SLC49A4: variants seen among roughly 807,000 people sequenced by gnomAD.
SLC49A4 encodes the protein disrupted in renal cancer protein 2.
SLC49A4 carries 36 observed loss-of-function variants against 50.6 expected under a neutral mutation model. The ratio of observed to expected loss-of-function variants is 0.71; its 90% CI spans 0.55 to 0.94. SLC49A4 has a LOEUF of 0.94. SLC49A4 is among the 40% of genes least tolerant of loss of function. The probability of loss-of-function intolerance (pLI) is 0.00; values close to 1 mark genes in which losing one functional copy is unlikely to be tolerated. For missense variants in SLC49A4, 503 were observed against 605.7 expected (o/e 0.83, Z 1.78); for synonymous variants, 248 against 241.2 (o/e 1.03, Z -0.26).
chr3:122,823,619 A>G (rs1003866001), intron 2 of SLC49A4, among the ~76,000 whole-genome samples: 2 of 152,232 alleles, frequency 1.3e-5, no homozygotes, highest in African/African-American at 4.8e-5. Flanking sequence ...TAATAAATGC[A>G]TAGTTACCAT....
intron 8 of SLC49A4, among the ~76,000 whole-genome samples, chr3:122,878,971 A>AT (rs1011836709): frequency 6.6e-5 from 10 of 152,054 alleles, no homozygotes; most frequent in African/African-American, 2.4e-4. Flanking sequence ...AAGGTGATTG[A>AT]TTTTTTTTCT....
At chr3:122,840,696 A>C (rs1312920898) in intron 4 of SLC49A4, among the ~76,000 whole-genome samples, 4 of 152,198 alleles carry the variant, frequency 2.6e-5, no homozygotes, top group Admixed American at 6.6e-5. Context: ...TTAAATTTTT[A>C]CTGGAAATAC....
intron 4 of SLC49A4, among the ~76,000 whole-genome samples, chr3:122,839,136 T>C (rs1345149889): frequency 1.3e-5 from 2 of 151,838 alleles, no homozygotes; most frequent in Non-Finnish European, 2.9e-5. Flanking sequence ...AAAACATAAA[T>C]TGGAGAAAGG....
At chr3:122,849,592 C>T (rs1576305671) in intron 5 of SLC49A4, among the ~76,000 whole-genome samples, 1 of 151,916 alleles carries the variant, frequency 6.6e-6, no homozygotes, top group South Asian at 2.1e-4. Context: ...CTGAACATTT[C>T]TTTTTGTATA....
intron 2 of SLC49A4, among the ~76,000 whole-genome samples, chr3:122,809,510 C>T (rs1576291911): frequency 6.6e-6 from 1 of 152,078 alleles, no homozygotes. Flanking sequence ...TCTCTTGTGC[C>T]TGAAGTTTGA....
chr3:122,850,992 C>G (rs886823262), intron 5 of SLC49A4, among the ~76,000 whole-genome samples: 3 of 152,082 alleles, frequency 2.0e-5, no homozygotes, highest in Non-Finnish European at 4.4e-5. Flanking sequence ...GTTATAGACT[C>G]TTTTACTGTT....
chr3:122,878,956 A>G (rs1937299454), intron 8 of SLC49A4, among the ~76,000 whole-genome samples: 1 of 152,194 alleles, frequency 6.6e-6, no homozygotes, highest in African/African-American at 2.4e-5. Context: ...TCAAACTAAC[A>G]TTTAAAGGTG....
chr3:122,831,663 T>C (rs1936609992), intron 3 of SLC49A4, among the ~76,000 whole-genome samples: 1 of 152,106 alleles, frequency 6.6e-6, no homozygotes, highest in Non-Finnish European at 1.5e-5. Context: ...GAAAAAATTC[T>C]AAAATTGATT....
rs148752461 is a variant in SLC49A4, at chr3:122,811,126, A to C, written c.437+4176A>C. ...TATGATTGAATATACTATAAAACAAAGTCAAAAGATGAGTTAACTGGGAAA... is the reference window on the plus strand; with the variant it reads ...TATGATTGAATATACTATAAAACAACGTCAAAAGATGAGTTAACTGGGAAA... On this transcript the variant is annotated intron_variant, in intron 2 of 8. Transcript: ENST00000261038. Among the ~76,000 whole-genome samples the C allele has an allele frequency of 3.6e-3, 542 of 152,344 alleles. 4 individuals are homozygous for C. Among genetic ancestry groups the C allele is most frequent in the African/African-American group, 0.011 (463 of 41,584 alleles).
chr3:122,868,300 G>A (rs1223365067), intron 7 of SLC49A4, among the ~76,000 whole-genome samples: 1 of 152,056 alleles, frequency 6.6e-6, no homozygotes, highest in African/African-American at 2.4e-5. Context: ...CATTTAAAGT[G>A]TGGGCCCATG....
intron 2 of SLC49A4, among the ~76,000 whole-genome samples, chr3:122,822,541 C>G (rs573399146): frequency 2.3e-4 from 35 of 152,298 alleles, no homozygotes; most frequent in African/African-American, 8.4e-4. Context: ...CTACTCAGAC[C>G]ACAAATGACC....
intron 2 of SLC49A4, among the ~76,000 whole-genome samples, chr3:122,812,353 A>C (rs1028942227): frequency 2.0e-5 from 3 of 152,212 alleles, no homozygotes; most frequent in Non-Finnish European, 4.4e-5. Context: ...AAGGGTTATA[A>C]ATTTGCCCAG....
At chr3:122,817,024 CCTATTTGG>C (rs746293819) in intron 2 of SLC49A4, among the ~76,000 whole-genome samples, 8 of 152,192 alleles carry the variant, frequency 5.3e-5, no homozygotes, top group Non-Finnish European at 1.2e-4. Flanking sequence ...AAATTGGCTA[CCTATTTGG>C]GAGGAAAAGA....
intron 4 of SLC49A4, among the ~76,000 whole-genome samples, chr3:122,844,683 G>A (rs1194455840): frequency 1.3e-5 from 2 of 152,004 alleles, no homozygotes; most frequent in South Asian, 2.1e-4. Flanking sequence ...TTGGGAGGCT[G>A]AGGCAGGAGA....
At chr3:122,816,422 C>G (rs982213286) in intron 2 of SLC49A4, among the ~76,000 whole-genome samples, 1 of 152,014 alleles carries the variant, frequency 6.6e-6, no homozygotes, top group Non-Finnish European at 1.5e-5. Flanking sequence ...CCAGCAAATC[C>G]CAGGTCATCA....
chr3:122,819,250 A>G (rs1052549157), intron 2 of SLC49A4, among the ~76,000 whole-genome samples: 1 of 151,828 alleles, frequency 6.6e-6, no homozygotes, highest in African/African-American at 2.4e-5. Flanking sequence ...CCTCAAAAAA[A>G]AAAAAAAAAA....
chr3:122,880,498 G>A lies in SLC49A4; in HGVS notation c.*1120G>A, dbSNP rs1937323639. 2 of 152,092 alleles carry A rather than the reference G, an allele frequency of 1.3e-5. No homozygotes were observed. The allele number at this position is 152,092 out of a possible 1,614,324, so 9.4% of individuals were successfully genotyped here. On this transcript the variant is annotated 3_prime_UTR_variant, in exon 9 of 9. Coordinates refer to ENST00000261038, the MANE Select transcript of SLC49A4 (RefSeq NM_032839.3). ...GGCTGTCAGACACAGATTTCACTGT[G>A]ACGTAAAATACACTGCAGTGAGAAT...
chr3:122,814,961 A>G (rs1936344495), intron 2 of SLC49A4, among the ~76,000 whole-genome samples: 1 of 152,114 alleles, frequency 6.6e-6, no homozygotes, highest in South Asian at 2.1e-4. Context: ...TTTGTTCTGA[A>G]AGGTCCTCCA....
chr3:122,826,746 C>T, intron 2 of SLC49A4, 54 bp from the exon 3 acceptor site: 1 of 1,577,928 alleles, frequency 6.3e-7, no homozygotes, highest in South Asian at 1.1e-5. Context: ...TTCTTTTTGT[C>T]TTAGAAAATG....
Sources: gnomAD v4.1 joint callset for allele counts (sites outside exome capture counted in the v4.1 genomes callset) on GRCh38, gnomAD v4.1.1 for gene constraint, MANE v1.5 for transcripts, NCBI Gene and HGNC (gene_info 2026-07-23, HGNC 2026-07-21) for gene names.